Variants in GRIN2A observed in about 807,000 individuals in gnomAD.
The protein encoded by GRIN2A is glutamate receptor ionotropic, NMDA 2A.
In GRIN2A, 22 loss-of-function variants were observed where a neutral mutation model predicts 113.4. The ratio of observed to expected loss-of-function variants is 0.19; its 90% CI spans 0.14 to 0.28. GRIN2A has a LOEUF of 0.28. Ranked by LOEUF, GRIN2A falls within the 10% of genes least tolerant of loss-of-function variation. The probability of loss-of-function intolerance (pLI) is 1.00; values close to 1 mark genes in which losing one functional copy is unlikely to be tolerated. For synonymous variants in GRIN2A, 827 were observed against 738.4 expected (o/e 1.12, Z -1.94); for missense variants, 1,502 against 1,887.0 (o/e 0.80, Z 3.78).
rs183029507 is a variant in GRIN2A, at chr16:9,764,908, T to C, written c.2636A>G (p.Lys879Arg). 71 of 1,614,108 alleles carry C rather than the reference T, an allele frequency of 4.4e-5. No individual in the cohort carries two copies. In the East Asian group the frequency reaches 1.5e-3, roughly 34 times the overall value. The change falls in exon 13 of 13, where the codon AAG becomes AGG. Residue 879 changes from lysine to arginine, a missense_variant. This residue lies in a region of GRIN2A where 832 missense variants were observed against 789.7 expected (regional missense o/e 1.05). Coordinates refer to ENST00000330684, the MANE Select transcript of GRIN2A (RefSeq NM_001134407.3). ...SCIHGVHIEE[K>R]KKSPDFNLTG... ...CAGATTGAAGTCTGGAGACTTCTTCTTTTCTTCAATGTGCACTCCATGAAT... is the reference window on the plus strand; with the variant it reads ...CAGATTGAAGTCTGGAGACTTCTTCCTTTCTTCAATGTGCACTCCATGAAT...
At chr16:10,104,212 A>G (rs1482411636) in intron 2 of GRIN2A, among the ~76,000 whole-genome samples, 2 of 152,222 alleles carry the variant, frequency 1.3e-5, no homozygotes, top group Non-Finnish European at 2.9e-5. Context: ...TCATTCTGTC[A>G]TCTGTTCATT....
chr16:9,759,681 T>C lies in GRIN2A; in HGVS notation c.*3468A>G. The stretch of plus-strand genomic sequence containing the variant: ...AGAGTAATCCGTGGATGCCCAGTCA[T>C]GGTGCTGGCTAAAATAACGCAGAGA... On this transcript the variant is annotated 3_prime_UTR_variant, in exon 13 of 13. Coordinates refer to ENST00000330684, the MANE Select transcript of GRIN2A (RefSeq NM_001134407.3). The C allele has an allele frequency of 4.4e-6, 1 of 229,806 alleles. No homozygotes were observed. Among genetic ancestry groups the C allele is most frequent in the Non-Finnish European group, 8.6e-6 (1 of 115,908 alleles). The allele number at this position is 229,806 out of a possible 1,614,324, so 14.2% of individuals were successfully genotyped here. A position where few individuals can be genotyped will look rare whatever the true frequency, so the allele number is the denominator to read the frequency against.
intron 2 of GRIN2A, among the ~76,000 whole-genome samples, chr16:10,056,035 A>T (rs9925801): frequency 2.6e-5 from 4 of 152,100 alleles, no homozygotes; most frequent in African/African-American, 9.7e-5. Context: ...TCCCTCACCC[A>T]CTAGAAGTTC....
In GRIN2A at chr16:9,761,745, A is replaced by G. The variant is rs1349653316; in HGVS notation, c.*1404T>C. ...AAAAAAATGGATATCATTTCATGTC[A>G]TATATGCACAGGTTTGAGGAGAATA... On this transcript the variant is annotated 3_prime_UTR_variant, in exon 13 of 13. Coordinates refer to ENST00000330684, the MANE Select transcript of GRIN2A (RefSeq NM_001134407.3). 2 of 216,462 alleles carry G rather than the reference A, an allele frequency of 9.2e-6. No homozygotes were observed. Among genetic ancestry groups the G allele is most frequent in the African/African-American group, 4.5e-5 (2 of 44,452 alleles). The allele number at this position is 216,462 out of a possible 1,614,324, so 13.4% of individuals were successfully genotyped here.
intron 2 of GRIN2A, among the ~76,000 whole-genome samples, chr16:10,058,437 C>T (rs1596468702): frequency 6.6e-6 from 1 of 152,160 alleles, no homozygotes; most frequent in Admixed American, 6.5e-5. Flanking sequence ...AAGATCTGTG[C>T]TGTGTCTACT....
rs1432691820 is a variant in GRIN2A at position 10,035,277 on chromosome 16, TG to T, written c.415-96727del. ...CAAGACTCAAGTGATCCTCCTGCCT[TG>T]GCCTCTCAAAATGCTGAGATTACAG... On this transcript the variant is annotated intron_variant, in intron 2 of 12. Transcript: ENST00000330684. Among the ~76,000 whole-genome samples, 10 of 152,198 alleles carry T rather than the reference TG, an allele frequency of 6.6e-5. No homozygotes were observed. In the East Asian group the frequency reaches 1.9e-3, roughly 29 times the overall value.
At chr16:9,925,450 A>C (rs1481312478) in intron 3 of GRIN2A, among the ~76,000 whole-genome samples, 1 of 152,168 alleles carries the variant, frequency 6.6e-6, no homozygotes, top group Non-Finnish European at 1.5e-5. Flanking sequence ...GGTGGGCCTT[A>C]GGCAGATCTC....
chr16:9,884,750 CTTTTT>C (rs34469635), intron 4 of GRIN2A, among the ~76,000 whole-genome samples: 1 of 125,318 alleles, frequency 8.0e-6, no homozygotes. Flanking sequence ...TAGAGAATTT[CTTTTT>C]TTTTTTTTTT....
intron 2 of GRIN2A, among the ~76,000 whole-genome samples, chr16:10,037,706 G>A (rs1275859451): frequency 6.6e-6 from 1 of 152,082 alleles, no homozygotes; most frequent in Non-Finnish European, 1.5e-5. Context: ...GTTCACTGCA[G>A]CCTCTACCTC....
At chr16:10,014,625 T>C (rs1440102358) in intron 2 of GRIN2A, among the ~76,000 whole-genome samples, 1 of 152,078 alleles carries the variant, frequency 6.6e-6, no homozygotes, top group Non-Finnish European at 1.5e-5. Context: ...ATAAAGAAAG[T>C]TGGGTTCTGT....
intron 2 of GRIN2A, among the ~76,000 whole-genome samples, chr16:9,967,052 TG>T (rs1265556662): frequency 2.0e-5 from 3 of 152,202 alleles, no homozygotes; most frequent in Non-Finnish European, 4.4e-5. Flanking sequence ...CACTATTAAG[TG>T]ACTCATGTTC....
chr16:9,874,267 C>T (rs924141680), intron 4 of GRIN2A, among the ~76,000 whole-genome samples: 1 of 152,270 alleles, frequency 6.6e-6, no homozygotes, highest in African/African-American at 2.4e-5. Context: ...GGCTAGATAA[C>T]AAACCATACG....
chr16:9,835,431 G>C (rs1396332031), intron 7 of GRIN2A, among the ~76,000 whole-genome samples: 4 of 152,086 alleles, frequency 2.6e-5, no homozygotes, highest in Non-Finnish European at 4.4e-5. Flanking sequence ...TGTAAAATAA[G>C]ATTACTATTC....
At chr16:10,125,771 C>T (rs1359363882) in intron 2 of GRIN2A, among the ~76,000 whole-genome samples, 9 of 152,064 alleles carry the variant, frequency 5.9e-5, no homozygotes, top group Non-Finnish European at 1.3e-4. Flanking sequence ...GTAGCTTCTT[C>T]CTCTGCCAAG....
intron 5 of GRIN2A, among the ~76,000 whole-genome samples, chr16:9,841,888 G>A (rs891140606): frequency 9.9e-5 from 15 of 152,158 alleles, no homozygotes; most frequent in African/African-American, 3.6e-4. Flanking sequence ...TTTTGTACCA[G>A]CCACCTTGCT....
At chr16:9,986,462 C>G (rs548775862) in intron 2 of GRIN2A, among the ~76,000 whole-genome samples, 9 of 152,136 alleles carry the variant, frequency 5.9e-5, no homozygotes, top group African/African-American at 2.2e-4. Flanking sequence ...AACCAAAAGG[C>G]TCTTTTAAAG....
At position 9,992,787 on chromosome 16, in the gene GRIN2A, C is replaced by T. The variant is rs190360317; in HGVS notation, c.415-54236G>A. On this transcript the variant is annotated intron_variant, in intron 2 of 12. Transcript: ENST00000330684. Reference sequence around the variant, plus strand: ...AAATCTGACACAGAGAGACAATACTCGGCTATGTAAATCGGTGCATAACAT... The same window carrying T: ...AAATCTGACACAGAGAGACAATACTTGGCTATGTAAATCGGTGCATAACAT... Among the ~76,000 whole-genome samples, 12 of 152,280 alleles carry T rather than the reference C, an allele frequency of 7.9e-5. No homozygotes were observed. The East Asian group carries it at 1.3e-3, about 17-fold the overall frequency.
At chr16:10,064,013 T>G (rs1216263196) in intron 2 of GRIN2A, among the ~76,000 whole-genome samples, 1 of 152,152 alleles carries the variant, frequency 6.6e-6, no homozygotes, top group Non-Finnish European at 1.5e-5. Flanking sequence ...GTGAGAACAA[T>G]AGGATTGTTC....
intron 2 of GRIN2A, among the ~76,000 whole-genome samples, chr16:10,060,140 C>T (rs2047525896): frequency 6.6e-6 from 1 of 151,994 alleles, no homozygotes; most frequent in African/African-American, 2.4e-5. Context: ...TCACCTATAG[C>T]CTGGATAAAA....
Sources: allele counts gnomAD v4.1 joint callset (sites outside exome capture counted in the v4.1 genomes callset), GRCh38; gene constraint gnomAD v4.1.1; regional missense constraint gnomAD v4.1.1; transcripts MANE v1.5; gene names NCBI Gene and HGNC (gene_info 2026-07-23, HGNC 2026-07-21).